Variants in ZMAT1 observed in about 807,000 individuals in gnomAD.
ZMAT1 encodes zinc finger matrin-type 1.
Under a neutral mutation model 18.5 loss-of-function variants are expected in ZMAT1, and 11 were observed. That is an observed-to-expected ratio of 0.59 (90% CI 0.37 to 0.98). ZMAT1 has a LOEUF of 0.98. Among genes scored for constraint, ZMAT1 ranks in the 50% least tolerant of loss-of-function variants. The probability of loss-of-function intolerance (pLI) is 0.01; values close to 1 mark genes in which losing one functional copy is unlikely to be tolerated. For missense variants in ZMAT1, 525 were observed against 496.2 expected, an observed-to-expected ratio of 1.06 and a Z score of -0.55; for synonymous variants, 211 against 176.4, an observed-to-expected ratio of 1.20 and a Z score of -1.55.
chrX:101,884,339 G>T lies in ZMAT1; in HGVS notation c.1259C>A (p.Thr420Asn), dbSNP rs770951216. 8.3e-7 allele frequency: 1 copy of T among 1,210,808 alleles called. No individual in the cohort carries two copies. The highest frequency in any genetic ancestry group is 1.8e-5 in the South Asian group (1 of 56,937). ...EQRFSHEASQ[T>N]YQRPYHISPV... The stretch of plus-strand genomic sequence containing the variant: ...TGAAATATGGTATGGTCGTTGGTAG[G>T]TCTGGGAAGCCTCATGTGAAAATCT... Residue 420 changes from threonine (T) to asparagine (N), a missense_variant, in exon 6 of 6, where the codon ACC becomes AAC. Coordinates refer to ENST00000651725, the MANE Select transcript of ZMAT1 (RefSeq NM_001394560.1).
chrX:101,920,073 C>T (rs1482394307), intron 1 of ZMAT1, among the ~76,000 whole-genome samples: 1 of 103,294 alleles, frequency 9.7e-6, no homozygotes, highest in African/African-American at 3.6e-5. Context: ...CAAGGTCCTA[C>T]CCTTTACTCG....
At chrX:101,917,520 C>G (rs1405292865) in intron 1 of ZMAT1, among the ~76,000 whole-genome samples, 2 of 112,379 alleles carry the variant, frequency 1.8e-5, no homozygotes, top group East Asian at 5.5e-4. Flanking sequence ...TGGCTTATAT[C>G]TAAAAGACAG....
At chrX:101,895,585 A>G (rs1257959298) in intron 4 of ZMAT1, among the ~76,000 whole-genome samples, 3 of 111,088 alleles carry the variant, frequency 2.7e-5, no homozygotes, top group Non-Finnish European at 5.7e-5. Flanking sequence ...GGATAATTTT[A>G]TGTTTACCAT....
At chrX:101,893,773 G>C (rs1927598781) in intron 4 of ZMAT1, among the ~76,000 whole-genome samples, 1 of 111,231 alleles carries the variant, frequency 9.0e-6, no homozygotes, top group Non-Finnish European at 1.9e-5. Flanking sequence ...TTGAATGAGG[G>C]GGAGTTAGCC....
At chrX:101,887,327 C>T in intron 4 of ZMAT1, 2 of 672,355 alleles carry the variant, frequency 3.0e-6, no homozygotes, top group African/African-American at 4.7e-5. Flanking sequence ...TACTAGTTAC[C>T]ACTTCAAAAG....
intron 1 of ZMAT1, among the ~76,000 whole-genome samples, chrX:101,909,006 C>A (rs1265139453): frequency 9.2e-6 from 1 of 108,349 alleles, no homozygotes; most frequent in Non-Finnish European, 1.9e-5. Context: ...CCAAAAGAGA[C>A]CTCTTCCTTC....
chrX:101,890,391 T>C (rs1927291224), intron 4 of ZMAT1, among the ~76,000 whole-genome samples: 1 of 111,233 alleles, frequency 9.0e-6, no homozygotes, highest in Non-Finnish European at 1.9e-5. Context: ...GTAAGAGAAG[T>C]TGTGATGGAT....
chrX:101,896,329 T>C (rs1449954880), intron 4 of ZMAT1, among the ~76,000 whole-genome samples: 1 of 111,901 alleles, frequency 8.9e-6, no homozygotes, highest in Non-Finnish European at 1.9e-5. Context: ...ACTATACATG[T>C]TCCTACAATT....
At chrX:101,913,017 T>C (rs1929066497) in intron 1 of ZMAT1, among the ~76,000 whole-genome samples, 1 of 111,415 alleles carries the variant, frequency 9.0e-6, no homozygotes, top group South Asian at 3.7e-4. Flanking sequence ...CAAATTCATG[T>C]TAGAAAAAAA....
intron 1 of ZMAT1, among the ~76,000 whole-genome samples, chrX:101,916,154 C>T (rs1929310052): frequency 9.1e-6 from 1 of 109,421 alleles, no homozygotes; most frequent in African/African-American, 3.3e-5. Context: ...GAAAACCAAA[C>T]ACCGCATTTC....
At chrX:101,917,487 A>AT (rs1929413160) in intron 1 of ZMAT1, among the ~76,000 whole-genome samples, 1 of 112,547 alleles carries the variant, frequency 8.9e-6, no homozygotes, top group South Asian at 3.6e-4. Flanking sequence ...GCTACACGAA[A>AT]TAACATCTCA....
intron 1 of ZMAT1, among the ~76,000 whole-genome samples, chrX:101,931,028 A>G (rs946679063): frequency 9.0e-6 from 1 of 111,623 alleles, no homozygotes; most frequent in East Asian, 2.8e-4. Context: ...AAAACTCTCC[A>G]AAGTGATTCC....
At chrX:101,912,326 CT>C (rs748222084) in intron 1 of ZMAT1, among the ~76,000 whole-genome samples, 4 of 111,575 alleles carry the variant, frequency 3.6e-5, no homozygotes, top group African/African-American at 1.3e-4. Context: ...GACCTTCAGC[CT>C]CGAACACCCA....
chrX:101,920,812 C>A (rs1208941395), intron 1 of ZMAT1, among the ~76,000 whole-genome samples: 2 of 111,398 alleles, frequency 1.8e-5, no homozygotes, highest in African/African-American at 6.5e-5. Context: ...GAATTAAAAT[C>A]AAAGTATCTG....
At chrX:101,906,400 C>T (rs1199005031) in intron 1 of ZMAT1, among the ~76,000 whole-genome samples, 1 of 111,620 alleles carries the variant, frequency 9.0e-6, no homozygotes, top group Admixed American at 9.4e-5. Flanking sequence ...CTGGCACCTG[C>T]AGACTCAGCC....
chrX:101,883,570 T>C lies in ZMAT1; in HGVS notation c.2028A>G (p.Lys676=). 5 of 1,204,615 alleles carry C rather than the reference T, an allele frequency of 4.2e-6. No individual in the cohort carries two copies. Among genetic ancestry groups the C allele is most frequent in the Non-Finnish European group, 5.6e-6 (5 of 893,715 alleles). The change falls in exon 6 of 6, where the codon AAA becomes AAG. Residue 676 remains lysine (K), a synonymous_variant. Transcript: ENST00000651725. The part of the protein sequence containing the change: ...EERKHRKEKK[K]SVEERTEEEM... ...CCTCTTCTGTCCTTTCTTCAACAGA[T>C]TTCTTTTTCTCTTTCCTGTGCTTAC...
rs994196586 is a variant in ZMAT1 at position 101,884,741 on chromosome X, T to C, written c.857A>G (p.Asn286Ser). 1 of 1,209,120 alleles carries C rather than the reference T, an allele frequency of 8.3e-7. No individual in the cohort carries two copies. The highest frequency in any genetic ancestry group is 1.7e-5 in the African/African-American group (1 of 57,213). The stretch of plus-strand genomic sequence containing the variant: ...CTCTAGTCCTCTGGCTTTCTGCACA[T>C]TGATGTAATCTGCACACTCATTTTG... ...SYQNECADYI[N>S]VQKARGLEAK... The change falls in exon 6 of 6, where the codon AAT (asparagine) becomes AGT (serine). Residue 286 changes from asparagine to serine, a missense_variant. By Grantham distance (46) the Asn-to-Ser change is conservative. Coordinates refer to ENST00000651725, the MANE Select transcript of ZMAT1 (RefSeq NM_001394560.1).
intron 2 of ZMAT1, 36 bp downstream of exon 2, chrX:101,904,188 C>A: frequency 9.7e-7 from 1 of 1,034,929 alleles, no homozygotes; most frequent in Non-Finnish European, 1.3e-6. Context: ...ATTTAAAAAC[C>A]TGCTTTAGAC....
intron 1 of ZMAT1, among the ~76,000 whole-genome samples, chrX:101,928,245 GTTTAA>G (rs1208908892): frequency 2.7e-5 from 3 of 112,558 alleles, no homozygotes; most frequent in East Asian, 5.6e-4. Flanking sequence ...GTATAGCTGT[GTTTAA>G]TTTGTCCGTA....
Sources: allele counts gnomAD v4.1 joint callset (sites outside exome capture counted in the v4.1 genomes callset), GRCh38; gene constraint gnomAD v4.1.1; transcripts MANE v1.5; gene names NCBI Gene and HGNC (gene_info 2026-07-23, HGNC 2026-07-21).